AJAP1: variants seen among roughly 807,000 people sequenced by gnomAD.
AJAP1 encodes adherens junctions associated protein 1, also known as adherens junction-associated protein 1.
In AJAP1, 5 loss-of-function variants were observed where a neutral mutation model predicts 35.0. The observed-to-expected ratio is 0.14, with a 90% confidence interval of 0.07 to 0.30. AJAP1 has a LOEUF of 0.30. Ranked by LOEUF, AJAP1 falls within the 10% of genes least tolerant of loss-of-function variation. The pLI is 1.00. For missense variants in AJAP1, 586 were observed against 571.0 expected (o/e 1.03, Z -0.27); for synonymous variants, 284 against 249.3 (o/e 1.14, Z -1.31).
chr1:4,735,360 T>C (rs111787290), intron 2 of AJAP1, among the ~76,000 whole-genome samples: 99 of 152,196 alleles, frequency 6.5e-4, no homozygotes, highest in Non-Finnish European at 1.1e-3. Context: ...GCGATGTGCA[T>C]CAGTGGGGTG....
At chr1:4,730,883 A>G (rs1640781330) in intron 2 of AJAP1, among the ~76,000 whole-genome samples, 1 of 152,116 alleles carries the variant, frequency 6.6e-6, no homozygotes, top group African/African-American at 2.4e-5. Flanking sequence ...GGCTGGATCA[A>G]ACTCTGCCTG....
At chr1:4,768,206 G>A (rs7552069) in intron 2 of AJAP1, among the ~76,000 whole-genome samples, 40,673 of 152,148 alleles carry the variant, frequency 0.27, 5,907 homozygotes, top group Admixed American at 0.35. Flanking sequence ...GCCTGTGGGT[G>A]AGCAGTACTA....
chr1:4,662,089 T>C (rs1639011776), intron 1 of AJAP1, among the ~76,000 whole-genome samples: 1 of 152,102 alleles, frequency 6.6e-6, no homozygotes, highest in African/African-American at 2.4e-5. Flanking sequence ...TGCATTTTTT[T>C]TGAAGCACAA....
At chr1:4,677,735 T>C (rs1357398195) in intron 1 of AJAP1, among the ~76,000 whole-genome samples, 1 of 108,958 alleles carries the variant, frequency 9.2e-6, no homozygotes, top group Non-Finnish European at 1.9e-5. Context: ...ATGAAAATGA[T>C]GTGCATTCAA....
intron 2 of AJAP1, among the ~76,000 whole-genome samples, chr1:4,763,004 AG>A (rs1031763339): frequency 2.6e-5 from 4 of 151,962 alleles, no homozygotes; most frequent in African/African-American, 7.2e-5. Context: ...TGGAGGGAGA[AG>A]GGGTGTTAAA....
chr1:4,714,178 A>C (rs1045065755), intron 2 of AJAP1, among the ~76,000 whole-genome samples: 1 of 152,168 alleles, frequency 6.6e-6, no homozygotes, highest in Admixed American at 6.5e-5. Flanking sequence ...CTCCCTGCGC[A>C]TGCTGAGGGC....
rs1055255127 is a variant in AJAP1, at chr1:4,712,011, G to A, written c.141G>A (p.Gly47=). 5.0e-6 allele frequency: 8 copies of A among 1,595,676 alleles called. No individual in the cohort carries two copies. The Admixed American group carries it at 1.0e-4, about 21-fold the overall frequency. ...DLPACEALGP[G]PEFWLLPRSP... Reference sequence around the variant, plus strand: ...CCGCCTGTGAGGCCCTGGGCCCGGGGCCGGAGTTCTGGCTCCTGCCGCGGT... The same window carrying A: ...CCGCCTGTGAGGCCCTGGGCCCGGGACCGGAGTTCTGGCTCCTGCCGCGGT... The change falls in exon 2 of 6, where the codon GGG becomes GGA. Residue 47 remains glycine (G), a synonymous_variant. Coordinates refer to ENST00000378191, the MANE Select transcript of AJAP1 (RefSeq NM_018836.4).
intron 1 of AJAP1, among the ~76,000 whole-genome samples, chr1:4,678,937 C>G (rs1162852280): frequency 1.3e-5 from 2 of 152,198 alleles, no homozygotes; most frequent in Admixed American, 1.3e-4. Flanking sequence ...CTATCCTAAT[C>G]CTCATTGCAC....
At chr1:4,664,627 A>G (rs1639077188) in intron 1 of AJAP1, among the ~76,000 whole-genome samples, 1 of 152,014 alleles carries the variant, frequency 6.6e-6, no homozygotes, top group Non-Finnish European at 1.5e-5. Flanking sequence ...AAGAGAATGG[A>G]CCCAGGAGAG....
At chr1:4,777,025 A>G (rs916856808) in intron 5 of AJAP1, among the ~76,000 whole-genome samples, 5 of 152,204 alleles carry the variant, frequency 3.3e-5, no homozygotes, top group African/African-American at 9.6e-5. Context: ...TCCTTGATAA[A>G]TGCTTATAAG....
At chr1:4,721,179 C>T (rs1196456544) in intron 2 of AJAP1, among the ~76,000 whole-genome samples, 1 of 152,212 alleles carries the variant, frequency 6.6e-6, no homozygotes, top group East Asian at 1.9e-4. Context: ...GGATCTGCAG[C>T]TGGGAGAAGC....
intron 1 of AJAP1, among the ~76,000 whole-genome samples, chr1:4,707,322 A>G (rs577088614): frequency 5.3e-5 from 8 of 152,306 alleles, no homozygotes; most frequent in African/African-American, 1.9e-4. Context: ...ACAAATGTAC[A>G]GTTTAGTGGG....
chr1:4,754,717 GC>G (rs1192693053), intron 2 of AJAP1, among the ~76,000 whole-genome samples: 2 of 152,212 alleles, frequency 1.3e-5, no homozygotes, highest in African/African-American at 4.8e-5. Flanking sequence ...GCTTTGAAAG[GC>G]CTTCTTGGAA....
rs763716750 is a variant in AJAP1 at position 4,712,575 on chromosome 1, G to T, written c.705G>T (p.Gly235=). 3 of 1,610,062 alleles carry T rather than the reference G, an allele frequency of 1.9e-6. No individual in the cohort carries two copies. Among genetic ancestry groups the T allele is most frequent in the Admixed American group, 1.7e-5 (1 of 59,546 alleles). Residue 235 remains glycine (G), a synonymous_variant, in exon 2 of 6, where the codon GGG becomes GGT. Transcript: ENST00000378191. ...CCCCCATGACGCTGCAGACTAAGGG[G>T]TTCACCGAGTCCTTGGATCCCCGGA... ...TATPMTLQTK[G]FTESLDPRRR...
At position 4,784,968 on chromosome 1, in the gene AJAP1, G is replaced by A. The variant is rs1462302111; in HGVS notation, c.*2483G>A. ...CTGGCGGCGGCCAACAGGCAGTGGG[G>A]TGGCTGCTCTGGTCTCTGACATTCT... On this transcript the variant is annotated 3_prime_UTR_variant, in exon 6 of 6. Transcript: ENST00000378191. 1 of 152,510 alleles carries A rather than the reference G, an allele frequency of 6.6e-6. No individual in the cohort carries two copies. The highest frequency in any genetic ancestry group is 1.5e-5 in the Non-Finnish European group (1 of 68,338). The allele number at this position is 152,510 out of a possible 1,614,324, so 9.4% of individuals were successfully genotyped here. A position where few individuals can be genotyped will look rare whatever the true frequency, so the allele number is the denominator to read the frequency against.
chr1:4,738,243 C>T (rs1239824462), intron 2 of AJAP1, among the ~76,000 whole-genome samples: 1 of 152,250 alleles, frequency 6.6e-6, no homozygotes, highest in Non-Finnish European at 1.5e-5. Flanking sequence ...GGGCCCTGCT[C>T]TCATGGGGCT....
At chr1:4,676,805 C>T (rs1378154818) in intron 1 of AJAP1, among the ~76,000 whole-genome samples, 2 of 152,162 alleles carry the variant, frequency 1.3e-5, no homozygotes, top group African/African-American at 2.4e-5. Flanking sequence ...ATTGCATTCT[C>T]GAATTTGCCA....
intron 1 of AJAP1, among the ~76,000 whole-genome samples, chr1:4,665,237 G>A (rs1309559796): frequency 6.6e-6 from 1 of 152,154 alleles, no homozygotes; most frequent in Admixed American, 6.5e-5. Context: ...ACAAGAGTAA[G>A]CATGTTTATT....
chr1:4,702,242 T>C (rs967350066), intron 1 of AJAP1, among the ~76,000 whole-genome samples: 2 of 152,206 alleles, frequency 1.3e-5, no homozygotes, highest in Non-Finnish European at 2.9e-5. Context: ...TGGGACCTCG[T>C]TCCTGAGCAG....
Sources: gnomAD v4.1 joint callset for allele counts (sites outside exome capture counted in the v4.1 genomes callset) on GRCh38, gnomAD v4.1.1 for gene constraint, MANE v1.5 for transcripts, NCBI Gene and HGNC (gene_info 2026-07-23, HGNC 2026-07-21) for gene names.